The following RBM19 variants were observed in gnomAD, a reference collection of about 807,000 sequenced individuals.
The protein encoded by RBM19 is probable RNA-binding protein 19.
A neutral mutation model predicts 116.8 loss-of-function variants in RBM19; 94 were observed. The observed-to-expected ratio is 0.80, with a 90% CI of 0.68 to 0.95. The LOEUF (loss-of-function observed/expected upper bound fraction) is 0.95. RBM19 is among the 40% of genes least tolerant of loss of function. The pLI is 0.00. For missense variants in RBM19, 1,161 were observed against 1,220.7 expected, an observed-to-expected ratio of 0.95 and a Z score of 0.73; for synonymous variants, 475 against 494.1, an observed-to-expected ratio of 0.96 and a Z score of 0.51.
intron 21 of RBM19, among the ~76,000 whole-genome samples, chr12:113,893,619 C>T (rs2135812010): frequency 6.6e-6 from 1 of 152,336 alleles, no homozygotes; most frequent in East Asian, 1.9e-4. Context: ...TGAAGATCCT[C>T]CCATTTAAAA....
At chr12:113,904,067 T>C (rs1273921245) in intron 21 of RBM19, among the ~76,000 whole-genome samples, 1 of 152,194 alleles carries the variant, frequency 6.6e-6, no homozygotes, top group Admixed American at 6.5e-5. Flanking sequence ...GCCATTCCCT[T>C]AGTGGAACTG....
chr12:113,846,054 G>C (rs1465698489), intron 22 of RBM19, among the ~76,000 whole-genome samples: 2 of 152,192 alleles, frequency 1.3e-5, no homozygotes, highest in African/African-American at 4.8e-5. Flanking sequence ...TCTCGTTGCT[G>C]TTGTTTTGTT....
At chr12:113,917,827 G>C (rs1219414302) in intron 20 of RBM19, among the ~76,000 whole-genome samples, 1 of 152,196 alleles carries the variant, frequency 6.6e-6, no homozygotes, top group Non-Finnish European at 1.5e-5. Flanking sequence ...TATACAAGCA[G>C]GTAGAAATGG....
intron 3 of RBM19, 23 bp downstream of exon 3, chr12:113,960,036 G>A: frequency 6.2e-7 from 1 of 1,614,218 alleles, no homozygotes. Context: ...TGGGGACAGA[G>A]GCTAGAGTGA....
intron 7 of RBM19, among the ~76,000 whole-genome samples, chr12:113,953,789 G>T (rs1871674949): frequency 6.6e-6 from 1 of 152,138 alleles, no homozygotes; most frequent in Non-Finnish European, 1.5e-5. Context: ...ATGGCCCACG[G>T]GCCAAATATC....
At chr12:113,816,890 A>G (rs1180386015) in exon 25 of RBM19, 1 of 152,204 alleles carries the variant, frequency 6.6e-6, no homozygotes, top group Non-Finnish European at 1.5e-5. Context: ...AAGGTGTACC[A>G]AAGGGTTAAA....
intron 4 of RBM19, 63 bp from the exon 5 acceptor site, chr12:113,959,467 G>A: frequency 6.6e-7 from 1 of 1,512,990 alleles, no homozygotes; most frequent in Non-Finnish European, 9.1e-7. Context: ...AGGCAGAGAA[G>A]GCTCAGGTGG....
In RBM19 at chr12:113,830,577, G is replaced by C. The variant is rs1048315928; in HGVS notation, c.2786-7256C>G. ...TACCCTGAGCTAGGGCTGCGGGGCGGGGGGGGGGGGGGTGGGCTATGCCTG... is the reference window on the plus strand; with the variant it reads ...TACCCTGAGCTAGGGCTGCGGGGCGCGGGGGGGGGGGGTGGGCTATGCCTG... On this transcript the variant is annotated intron_variant, in intron 23 of 23. Transcript: ENST00000261741. Among the ~76,000 whole-genome samples the C allele has an allele frequency of 7.5e-3, 731 of 96,840 alleles. 94 individuals carry two copies. Among genetic ancestry groups the C allele is most frequent in the Non-Finnish European group, 0.014 (612 of 43,926 alleles). 63.5% of individuals were successfully genotyped at this position (96,840 alleles called of 152,430 possible). A position where few individuals can be genotyped will look rare whatever the true frequency, so the allele number is the denominator to read the frequency against.
At chr12:113,855,087 G>A (rs942031266) in intron 22 of RBM19, among the ~76,000 whole-genome samples, 9 of 152,176 alleles carry the variant, frequency 5.9e-5, no homozygotes, top group Non-Finnish European at 8.8e-5. Flanking sequence ...CAGAGCCCTC[G>A]AGGATATGCA....
intron 23 of RBM19, among the ~76,000 whole-genome samples, chr12:113,827,972 G>A (rs534871005): frequency 5.9e-5 from 9 of 152,062 alleles, no homozygotes; most frequent in African/African-American, 1.2e-4. Flanking sequence ...CCTAGCACAC[G>A]GCAAGCTGTC....
intron 6 of RBM19, among the ~76,000 whole-genome samples, chr12:113,955,664 G>A (rs12230745): frequency 0.087 from 13,315 of 152,216 alleles, 671 homozygotes; most frequent in East Asian, 0.17. Flanking sequence ...CCGGAATCCA[G>A]ACACCTCTGA....
At chr12:113,849,530 C>T (rs778627079) in intron 22 of RBM19, among the ~76,000 whole-genome samples, 78 of 152,346 alleles carry the variant, frequency 5.1e-4, no homozygotes, top group Non-Finnish European at 6.0e-4. Context: ...ACCATCCAGA[C>T]GAGTGGGACA....
chr12:113,939,964 G>A lies in RBM19; in HGVS notation c.1934C>T (p.Ser645Phe). The change falls in exon 15 of 24, where the codon TCC (serine) becomes TTC (phenylalanine). Residue 645 changes from serine (S) to phenylalanine (F), a missense_variant. Coordinates refer to ENST00000261741, the MANE Select transcript of RBM19 (RefSeq NM_016196.4). ...ARKAFRHLAY[S>F]KFHHVPLYLE... ...CTGGGTCTCCAGCAGCCCTACCTTG[G>A]AATAGGCCAGATGCCTGAAGGCCTT... 1 of 1,613,854 alleles carries A rather than the reference G, an allele frequency of 6.2e-7. No homozygotes were observed. Among genetic ancestry groups the A allele is most frequent in the Non-Finnish European group, 8.5e-7 (1 of 1,179,972 alleles).
Position 113,920,600 on chromosome 12 carries a change from C to G in RBM19, c.2385+11G>C, listed in dbSNP as rs748871332. 6.2e-7 allele frequency: 1 copy of G among 1,612,790 alleles called. No homozygotes were observed. The highest frequency in any genetic ancestry group is 8.5e-7 in the Non-Finnish European group (1 of 1,178,828). ...GCCTCCGTGGCCCTCAGCTGAGAAT[C>G]TTCACTTTACCTGGAGCTGCTTGAG... On this transcript the variant is annotated intron_variant, in intron 19 of 23. Transcript: ENST00000261741.
rs1868460615 is a variant in RBM19 at position 113,920,706 on chromosome 12, G to A, written c.2306-16C>T. ...AGGAGCACTCCTGAGAGAGAGAGGT[G>A]GAAATCACACCAGTCGGTGAAGCGG... On this transcript the variant is annotated splice_polypyrimidine_tract_variant and intron_variant, in intron 18 of 23. Coordinates refer to ENST00000261741, the MANE Select transcript of RBM19 (RefSeq NM_016196.4). The A allele has an allele frequency of 6.2e-7, 1 of 1,608,662 alleles. No individual in the cohort carries two copies. The highest frequency in any genetic ancestry group is 8.5e-7 in the Non-Finnish European group (1 of 1,175,200).
intron 21 of RBM19, among the ~76,000 whole-genome samples, chr12:113,869,766 G>T (rs941473654): frequency 1.3e-5 from 2 of 152,106 alleles, no homozygotes; most frequent in Admixed American, 6.5e-5. Flanking sequence ...AATGGTTCAA[G>T]AATTAATCAG....
chr12:113,899,539 T>C (rs1881547763), intron 21 of RBM19, among the ~76,000 whole-genome samples: 1 of 152,184 alleles, frequency 6.6e-6, no homozygotes, highest in South Asian at 2.1e-4. Context: ...AGGGTTTTAA[T>C]GGGGTAAGCC....
chr12:113,884,298 T>TACACAC (rs56150788), intron 21 of RBM19, among the ~76,000 whole-genome samples: 7,841 of 137,246 alleles, frequency 0.057, 430 homozygotes, highest in African/African-American at 0.15. Context: ...AAAAAAAGTA[T>TACACAC]ACACACACAC....
At chr12:113,821,774 G>A (rs1050446398), downstream of RBM19, among the ~76,000 whole-genome samples, 1 of 152,142 alleles carries the variant, frequency 6.6e-6, no homozygotes, top group Non-Finnish European at 1.5e-5. Context: ...GCTGGGGAAC[G>A]AGCCATTCTG....
Sources: gnomAD v4.1 joint callset for allele counts (sites outside exome capture counted in the v4.1 genomes callset) on GRCh38, gnomAD v4.1.1 for gene constraint, MANE v1.5 for transcripts, NCBI Gene and HGNC (gene_info 2026-07-23, HGNC 2026-07-21) for gene names.